Variants in MAP4K3 observed in about 807,000 individuals in gnomAD.
MAP4K3 encodes mitogen-activated protein kinase kinase kinase kinase 3, also known as MAPK/ERK kinase kinase kinase 3.
MAP4K3 carries 94 observed loss-of-function variants against 143.5 expected under a neutral mutation model. The observed-to-expected ratio is 0.65, with a 90% CI of 0.55 to 0.78. The LOEUF is 0.78. Ranked by LOEUF, MAP4K3 falls within the 30% of genes least tolerant of loss-of-function variation. MAP4K3 has a pLI of 0.00. For synonymous variants in MAP4K3, 416 were observed against 347.2 expected, an observed-to-expected ratio of 1.20 and a Z score of -2.20; for missense variants, 1,077 against 1,068.1, an observed-to-expected ratio of 1.01 and a Z score of -0.12.
intron 15 of MAP4K3, among the ~76,000 whole-genome samples, chr2:39,303,727 T>C (rs1329037176): frequency 6.6e-6 from 1 of 152,120 alleles, no homozygotes; most frequent in African/African-American, 2.4e-5. Flanking sequence ...TCAATAGAGA[T>C]GCGGTTGCCA....
chr2:39,276,609 G>A (rs1176398562), intron 24 of MAP4K3, among the ~76,000 whole-genome samples: 5 of 152,206 alleles, frequency 3.3e-5, no homozygotes, highest in Admixed American at 6.5e-5. Context: ...TCCGTGAAGT[G>A]AGATTATCAA....
At chr2:39,422,891 CA>C (rs1159223709) in intron 1 of MAP4K3, among the ~76,000 whole-genome samples, 1 of 151,928 alleles carries the variant, frequency 6.6e-6, no homozygotes, top group Non-Finnish European at 1.5e-5. Context: ...GATACAACAC[CA>C]AAGGCATGAC....
intron 3 of MAP4K3, among the ~76,000 whole-genome samples, chr2:39,349,004 G>C (rs574094904): frequency 6.6e-6 from 1 of 152,136 alleles, no homozygotes. Flanking sequence ...CTGAGGATCA[G>C]CAACTCTCTA....
chr2:39,261,228 G>A (rs1680554457), intron 28 of MAP4K3: 1 of 152,632 alleles, frequency 6.6e-6, no homozygotes, highest in East Asian at 1.9e-4. Context: ...CTTGTAAGAT[G>A]TGAACAGAAA....
intron 31 of MAP4K3, among the ~76,000 whole-genome samples, chr2:39,257,796 C>CAAA (rs1285158564): frequency 1.7e-5 from 1 of 59,650 alleles, no homozygotes; most frequent in Non-Finnish European, 3.6e-5. Flanking sequence ...CACTCCATCT[C>CAAA]AAAAAAAAAA....
At chr2:39,286,390 G>GC (rs1681778056) in intron 21 of MAP4K3, among the ~76,000 whole-genome samples, 1 of 152,190 alleles carries the variant, frequency 6.6e-6, no homozygotes, top group African/African-American at 2.4e-5. Flanking sequence ...CTGGTCTGCG[G>GC]CCCAGGGGTT....
rs1553318574 is a variant in MAP4K3, at chr2:39,415,980, A to AAT, written c.96+20910_96+20911dup. ...AAAAAAAAAAAAAAAAAAAAAAAAA[A>AAT]ATATATATATATATATATATATATA... On this transcript the variant is annotated intron_variant, in intron 1 of 33. Transcript: ENST00000263881. 5.8e-3 allele frequency among the ~76,000 whole-genome samples: 86 copies of AAT among 14,742 alleles called. 7 individuals carry two copies. Among genetic ancestry groups the AAT allele is most frequent in the East Asian group, 0.033 (13 of 394 alleles). The allele number at this position is 14,742 out of a possible 152,430, so 9.7% of individuals were successfully genotyped here. A position where few individuals can be genotyped will look rare whatever the true frequency, so the allele number is the denominator to read the frequency against.
intron 4 of MAP4K3, among the ~76,000 whole-genome samples, chr2:39,341,999 C>T (rs975505165): frequency 6.6e-6 from 1 of 151,960 alleles, no homozygotes; most frequent in African/African-American, 2.4e-5. Flanking sequence ...TCAAGGCTCT[C>T]CCTATTCGAC....
chr2:39,299,505 T>C (rs890216770), intron 16 of MAP4K3, among the ~76,000 whole-genome samples: 1 of 152,144 alleles, frequency 6.6e-6, no homozygotes, highest in African/African-American at 2.4e-5. Context: ...CATGTGGTTT[T>C]CTCTAACATA....
chr2:39,281,830 ATAAAG>A (rs1424815315), intron 22 of MAP4K3, among the ~76,000 whole-genome samples: 1 of 150,846 alleles, frequency 6.6e-6, no homozygotes, highest in Non-Finnish European at 1.5e-5. Flanking sequence ...AATTACAAAT[ATAAAG>A]TATATATATT....
chr2:39,406,765 A>C (rs1427397852), intron 1 of MAP4K3, among the ~76,000 whole-genome samples: 1 of 152,230 alleles, frequency 6.6e-6, no homozygotes, highest in Non-Finnish European at 1.5e-5. Context: ...GATGCTAATC[A>C]GCAACAAGAA....
intron 1 of MAP4K3, among the ~76,000 whole-genome samples, chr2:39,378,721 TG>T (rs985191073): frequency 1.6e-4 from 25 of 152,204 alleles, no homozygotes; most frequent in African/African-American, 3.1e-4. Context: ...ACACACCTGA[TG>T]GTACAGTCAA....
chr2:39,312,261 T>C (rs1467141964), intron 13 of MAP4K3, among the ~76,000 whole-genome samples: 3 of 152,172 alleles, frequency 2.0e-5, no homozygotes, highest in African/African-American at 4.8e-5. Flanking sequence ...TTACCTTTTA[T>C]TTCCACAGCT....
chr2:39,403,623 C>G (rs997750115), intron 1 of MAP4K3, among the ~76,000 whole-genome samples: 1 of 152,060 alleles, frequency 6.6e-6, no homozygotes, highest in African/African-American at 2.4e-5. Flanking sequence ...GGATGAAGTA[C>G]TCTGCAGCCC....
chr2:39,356,697 G>A (rs1177175807), intron 2 of MAP4K3, among the ~76,000 whole-genome samples: 1 of 152,138 alleles, frequency 6.6e-6, no homozygotes, highest in Non-Finnish European at 1.5e-5. Context: ...TGTTGTAAGG[G>A]TTAAATGAAC....
chr2:39,309,396 C>T, intron 14 of MAP4K3, 65 bp downstream of exon 14: 4 of 1,262,756 alleles, frequency 3.2e-6, no homozygotes, highest in Non-Finnish European at 3.4e-6. Flanking sequence ...AGTACTAATA[C>T]ATCACACAAA....
chr2:39,277,178 G>C (rs1681297238), intron 24 of MAP4K3, among the ~76,000 whole-genome samples: 1 of 152,194 alleles, frequency 6.6e-6, no homozygotes, highest in African/African-American at 2.4e-5. Flanking sequence ...AGTACACCAA[G>C]CTCTGGTGTT....
chr2:39,290,377 A>T, intron 18 of MAP4K3, 43 bp from the exon 19 acceptor site: 1 of 1,256,634 alleles, frequency 8.0e-7, no homozygotes, highest in Non-Finnish European at 1.1e-6. Flanking sequence ...TCATTTTACA[A>T]ATGAATCAAT....
At chr2:39,435,022 C>T (rs1163082979) in intron 1 of MAP4K3, among the ~76,000 whole-genome samples, 1 of 152,072 alleles carries the variant, frequency 6.6e-6, no homozygotes, top group East Asian at 1.9e-4. Flanking sequence ...CCAATTAGTC[C>T]TGTAAAAAAA....
Sources: gnomAD v4.1 joint callset for allele counts (sites outside exome capture counted in the v4.1 genomes callset) on GRCh38, gnomAD v4.1.1 for gene constraint, MANE v1.5 for transcripts, NCBI Gene and HGNC (gene_info 2026-07-23, HGNC 2026-07-21) for gene names.